Variants in AGBL4 observed in about 807,000 individuals in gnomAD.
AGBL4 encodes AGBL carboxypeptidase 4.
Under a neutral mutation model 66.4 loss-of-function variants are expected in AGBL4, and 58 were observed. The ratio of observed to expected loss-of-function variants is 0.87; its 90% CI spans 0.71 to 1.09. The LOEUF (loss-of-function observed/expected upper bound fraction) is 1.09, where lower values mean the gene tolerates loss of function less well. Ranked by LOEUF, AGBL4 falls within the 50% of genes least tolerant of loss-of-function variation. The probability of loss-of-function intolerance (pLI) is 0.00; values close to 1 mark genes in which losing one functional copy is unlikely to be tolerated. For missense variants in AGBL4, 579 were observed against 631.0 expected (o/e 0.92, Z 0.88); for synonymous variants, 234 against 222.9 (o/e 1.05, Z -0.44).
chr1:48,655,204 G>T (rs1278402287), intron 7 of AGBL4, among the ~76,000 whole-genome samples: 5 of 152,362 alleles, frequency 3.3e-5, no homozygotes, highest in Admixed American at 2.0e-4. Flanking sequence ...CCTAGGGTGG[G>T]TGTGGGGCAA....
At chr1:48,719,653 C>A (rs1647112431) in intron 6 of AGBL4, among the ~76,000 whole-genome samples, 1 of 152,208 alleles carries the variant, frequency 6.6e-6, no homozygotes, top group Admixed American at 6.5e-5. Context: ...CTGAACTCAT[C>A]CTATCCTCTT....
intron 6 of AGBL4, among the ~76,000 whole-genome samples, chr1:48,814,054 T>A (rs1300398232): frequency 6.6e-6 from 1 of 152,112 alleles, no homozygotes; most frequent in Non-Finnish European, 1.5e-5. Flanking sequence ...GATTTGGGTA[T>A]TTTTGAATCC....
intron 6 of AGBL4, among the ~76,000 whole-genome samples, chr1:48,757,575 A>G (rs560409939): frequency 1.3e-5 from 2 of 152,294 alleles, no homozygotes; most frequent in South Asian, 2.1e-4. Context: ...GGAAGTCCCA[A>G]TGTCATTTCC....
At chr1:48,912,974 A>G (rs1056571713) in intron 5 of AGBL4, among the ~76,000 whole-genome samples, 1 of 152,154 alleles carries the variant, frequency 6.6e-6, no homozygotes, top group African/African-American at 2.4e-5. Context: ...GACAGCTAGG[A>G]TAGGGTGAAA....
chr1:48,952,010 T>C (rs1306320743), intron 5 of AGBL4, among the ~76,000 whole-genome samples: 1 of 152,246 alleles, frequency 6.6e-6, no homozygotes, highest in Non-Finnish European at 1.5e-5. Flanking sequence ...AATCTCAAGC[T>C]GAAGCTAAGT....
At chr1:49,730,186 T>A (rs1240130920) in intron 2 of AGBL4, among the ~76,000 whole-genome samples, 1 of 152,070 alleles carries the variant, frequency 6.6e-6, no homozygotes, top group African/African-American at 2.4e-5. Flanking sequence ...TCGAGAGCTT[T>A]CCTGTCACTC....
intron 1 of AGBL4, among the ~76,000 whole-genome samples, chr1:49,889,183 G>A (rs1426012387): frequency 6.6e-6 from 1 of 152,084 alleles, no homozygotes; most frequent in Non-Finnish European, 1.5e-5. Flanking sequence ...TGCTTTTAAT[G>A]TTTTCATCAG....
At chr1:48,773,259 A>G (rs995215274) in intron 6 of AGBL4, among the ~76,000 whole-genome samples, 80 of 152,210 alleles carry the variant, frequency 5.3e-4, no homozygotes, top group African/African-American at 1.9e-3. Context: ...TAAAAAAAAA[A>G]TAAAATTCAA....
intron 6 of AGBL4, among the ~76,000 whole-genome samples, chr1:48,756,158 G>A (rs531600067): frequency 6.6e-6 from 1 of 152,308 alleles, no homozygotes; most frequent in East Asian, 1.9e-4. Flanking sequence ...AGAACACTGA[G>A]GGTCAGAGAC....
intron 1 of AGBL4, among the ~76,000 whole-genome samples, chr1:49,884,230 C>T (rs1216289686): frequency 2.6e-5 from 4 of 151,900 alleles, no homozygotes; most frequent in Admixed American, 6.6e-5. Flanking sequence ...ATACATACTG[C>T]AGTATAACAT....
chr1:49,979,232 C>T (rs1018850644), intron 1 of AGBL4, among the ~76,000 whole-genome samples: 6 of 151,776 alleles, frequency 4.0e-5, no homozygotes, highest in Non-Finnish European at 2.9e-5. Flanking sequence ...GAGGCCGAGG[C>T]GGGTGGATCA....
chr1:48,933,000 T>C (rs1044442625), intron 5 of AGBL4, among the ~76,000 whole-genome samples: 1 of 152,196 alleles, frequency 6.6e-6, no homozygotes, highest in Non-Finnish European at 1.5e-5. Flanking sequence ...TTTACTATTT[T>C]TTTCCTTTTA....
chr1:48,614,674 G>A (rs1237076889), intron 9 of AGBL4, among the ~76,000 whole-genome samples: 2 of 152,150 alleles, frequency 1.3e-5, no homozygotes, highest in African/African-American at 2.4e-5. Context: ...AGTCTTTTAG[G>A]TTGTTCTATC....
intron 4 of AGBL4, among the ~76,000 whole-genome samples, chr1:49,102,418 A>G (rs1645219355): frequency 4.6e-5 from 7 of 152,122 alleles, no homozygotes; most frequent in Admixed American, 4.6e-4. Context: ...TGTTATTGTT[A>G]TTTATTTTCA....
At chr1:49,542,995 G>A (rs563133791) in intron 3 of AGBL4, among the ~76,000 whole-genome samples, 2 of 147,844 alleles carry the variant, frequency 1.4e-5, no homozygotes, top group East Asian at 2.0e-4. Flanking sequence ...GCTAAGCAAC[G>A]AGATGATTGG....
chr1:50,022,281 T>C (rs1662500376), intron 1 of AGBL4, among the ~76,000 whole-genome samples: 1 of 152,102 alleles, frequency 6.6e-6, no homozygotes, highest in African/African-American at 2.4e-5. Context: ...AATAGTATGT[T>C]CAAAGGCAAT....
At chr1:48,682,790 C>A (rs1298452230) in intron 6 of AGBL4, among the ~76,000 whole-genome samples, 1 of 152,152 alleles carries the variant, frequency 6.6e-6, no homozygotes, top group African/African-American at 2.4e-5. Context: ...TTAATCGTGT[C>A]AAGTTTGGCC....
intron 1 of AGBL4, among the ~76,000 whole-genome samples, chr1:50,021,169 G>A (rs1050422774): frequency 2.0e-5 from 3 of 152,120 alleles, no homozygotes; most frequent in South Asian, 4.1e-4. Context: ...AGTCTACTGA[G>A]TATTCCATTT....
chr1:48,597,359 G>A (rs1470300504), intron 9 of AGBL4, among the ~76,000 whole-genome samples: 1 of 152,004 alleles, frequency 6.6e-6, no homozygotes, highest in African/African-American at 2.4e-5. Flanking sequence ...CACCCAGGTG[G>A]GGTTTACAAA....
Sources: gnomAD v4.1 joint callset for allele counts (sites outside exome capture counted in the v4.1 genomes callset) on GRCh38, gnomAD v4.1.1 for gene constraint, MANE v1.5 for transcripts, NCBI Gene and HGNC (gene_info 2026-07-23, HGNC 2026-07-21) for gene names.